Variants in SYNE3 observed in about 807,000 individuals in gnomAD.
The protein encoded by SYNE3 is spectrin repeat containing nuclear envelope family member 3, also known as nesprin-3.
Under a neutral mutation model 111.2 loss-of-function variants are expected in SYNE3, and 100 were observed. The ratio of observed to expected loss-of-function variants is 0.90; its 90% confidence interval spans 0.77 to 1.06. The LOEUF is 1.06. Ranked by LOEUF, SYNE3 falls within the 50% of genes least tolerant of loss-of-function variation. The pLI, the probability that SYNE3 is intolerant of heterozygous loss-of-function variation, is 0.00. For missense variants in SYNE3, 1,160 were observed against 1,240.3 expected (o/e 0.94, Z 0.97); for synonymous variants, 547 against 533.9 (o/e 1.02, Z -0.34).
intron 1 of SYNE3, among the ~76,000 whole-genome samples, chr14:95,484,044 C>T (rs1370296923): frequency 6.6e-6 from 1 of 152,132 alleles, no homozygotes; most frequent in Non-Finnish European, 1.5e-5. Flanking sequence ...ATACGCCAAC[C>T]ATAAAACCCA....
At chr14:95,475,544 T>C in intron 2 of SYNE3, 134 bp downstream of exon 2, 1 of 1,052,112 alleles carries the variant, frequency 9.5e-7, no homozygotes. Flanking sequence ...CCAGGAGATC[T>C]GTGTGCACAT....
intron 1 of SYNE3, among the ~76,000 whole-genome samples, chr14:95,503,770 C>T (rs1297851030): frequency 3.3e-5 from 5 of 151,820 alleles, no homozygotes; most frequent in Admixed American, 2.0e-4. Flanking sequence ...AGGCATGGGC[C>T]GCCATGCTGG....
chr14:95,457,145 G>A (rs771545276), intron 5 of SYNE3, 32 bp downstream of exon 5: 1 of 1,605,232 alleles, frequency 6.2e-7, no homozygotes. Context: ...TGTCCCTAGG[G>A]TCCCTCTGGT....
In SYNE3 at chr14:95,439,149, A is replaced by G; in HGVS notation, c.2260T>C (p.Trp754Arg). ...TCCACTTCCATCCTCTGCAGATGCC[A>G]GTTTCTGATGAGGCTGAGAAGACAA... ...EESLLSLIRNWHLQRMEVDSG... is the reference protein window; with the variant it reads ...EESLLSLIRNRHLQRMEVDSG... The change falls in exon 14 of 18, where the codon TGG (tryptophan) becomes CGG (arginine). Residue 754 changes from tryptophan (W) to arginine (R), a missense_variant. Coordinates refer to ENST00000682763, the MANE Select transcript of SYNE3 (RefSeq NM_152592.6). 1 of 1,614,234 alleles carries G rather than the reference A, an allele frequency of 6.2e-7. No homozygotes were observed. The highest frequency in any genetic ancestry group is 8.5e-7 in the Non-Finnish European group (1 of 1,180,030).
At chr14:95,437,921 C>A (rs567484076) in intron 14 of SYNE3, 2 of 152,298 alleles carry the variant, frequency 1.3e-5, no homozygotes, top group East Asian at 3.9e-4. Context: ...CTCTCCCTTG[C>A]AGGTGCTACT....
At position 95,460,696 on chromosome 14, in the gene SYNE3, T is replaced by TC. The variant is rs1887749859; in HGVS notation, c.628-3359dup. On this transcript the variant is annotated intron_variant, in intron 4 of 17. Coordinates refer to ENST00000682763, the MANE Select transcript of SYNE3 (RefSeq NM_152592.6). ...GGATGGCTCCGGGGCTTCGGCAAGC[T>TC]CCCCTGCTGGCTTCCCCTTCCTGCA... 2.6e-5 allele frequency among the ~76,000 whole-genome samples: 4 copies of TC among 152,244 alleles called. No individual in the cohort carries two copies. The South Asian group carries it at 8.3e-4, about 32-fold the overall frequency.
intron 4 of SYNE3, among the ~76,000 whole-genome samples, chr14:95,464,309 C>T (rs913617989): frequency 6.6e-6 from 1 of 152,128 alleles, no homozygotes; most frequent in Non-Finnish European, 1.5e-5. Flanking sequence ...CACACAGGTG[C>T]CTGAAGTCTT....
rs1356226818 is a variant in SYNE3 at position 95,439,618 on chromosome 14, A to C, written c.2240T>G (p.Leu747Arg). The change falls in exon 13 of 18, where the codon CTG becomes CGG. Residue 747 changes from leucine (L) to arginine (R), a missense_variant. Coordinates refer to ENST00000682763, the MANE Select transcript of SYNE3 (RefSeq NM_152592.6). ...GCCTAGGAGGCACTCTCACCTCAGC[A>C]GACTTTCTTCCAGCAGCCTCAAGGC... ...WRALRLLEES[L>R]LSLIRNWHLQ... 2.5e-6 allele frequency: 4 copies of C among 1,609,536 alleles called. No individual in the cohort carries two copies. The highest frequency in any genetic ancestry group is 2.2e-5 in the East Asian group (1 of 44,876).
At chr14:95,427,000 T>C (rs910142972) in intron 17 of SYNE3, among the ~76,000 whole-genome samples, 2 of 151,146 alleles carry the variant, frequency 1.3e-5, no homozygotes, top group Admixed American at 6.6e-5. Flanking sequence ...GATATGATTA[T>C]ATATGAATAT....
At chr14:95,419,879 A>AGGG (rs1884988775) in intron 17 of SYNE3, among the ~76,000 whole-genome samples, 1 of 122,184 alleles carries the variant, frequency 8.2e-6, no homozygotes. Context: ...GGTGATGGTG[A>AGGG]TGATGATGAT....
chr14:95,482,304 T>G (rs2139538965), intron 1 of SYNE3, among the ~76,000 whole-genome samples: 1 of 152,204 alleles, frequency 6.6e-6, no homozygotes, highest in South Asian at 2.1e-4. Context: ...CGTGATAGCG[T>G]GCGCCTGTAA....
intron 6 of SYNE3, among the ~76,000 whole-genome samples, chr14:95,454,727 C>G (rs1188676943): frequency 6.6e-6 from 1 of 152,254 alleles, no homozygotes; most frequent in African/African-American, 2.4e-5. Flanking sequence ...TCTGGGATGG[C>G]TTCCCTTGGA....
intron 8 of SYNE3, among the ~76,000 whole-genome samples, chr14:95,447,415 C>T (rs767080369): frequency 6.6e-6 from 1 of 152,098 alleles, no homozygotes; most frequent in Non-Finnish European, 1.5e-5. Context: ...GGATTACAGG[C>T]GTGAGCCACC....
intron 1 of SYNE3, among the ~76,000 whole-genome samples, chr14:95,487,083 C>A (rs994748617): frequency 6.6e-6 from 1 of 152,156 alleles, no homozygotes; most frequent in East Asian, 1.9e-4. Flanking sequence ...CTGCCCCACC[C>A]GCCCCTCCGC....
chr14:95,505,574 A>C (rs1890499771), intron 1 of SYNE3, among the ~76,000 whole-genome samples: 1 of 152,234 alleles, frequency 6.6e-6, no homozygotes, highest in South Asian at 2.1e-4. Context: ...CCATGCAGAC[A>C]CATCTACATC....
In SYNE3 at chr14:95,450,015, C is replaced by T; in HGVS notation, c.1365G>A (p.Trp455Ter). The T allele has an allele frequency of 6.4e-7, 1 of 1,557,726 alleles. No homozygotes were observed. Among genetic ancestry groups the T allele is most frequent in the Non-Finnish European group, 8.7e-7 (1 of 1,150,696 alleles). The part of the protein sequence containing the change: ...FQRPLQDLQL[W>*]KALAQRLLEV... ...CCAAGAGCCGCTGGGCCAGGGCCTTCCACAGCTGCAGATCCTGCAGAGGCC... is the reference window on the plus strand; with the variant it reads ...CCAAGAGCCGCTGGGCCAGGGCCTTTCACAGCTGCAGATCCTGCAGAGGCC... Residue 455 changes from tryptophan (W) to a stop codon, truncating the protein, a stop_gained, in exon 8 of 18, where the codon TGG (tryptophan) becomes TGA (stop). Transcript: ENST00000682763. LOFTEE classifies it high-confidence loss of function.
Position 95,417,471 on chromosome 14 carries a change from AC to A in SYNE3, c.*354del. The A allele has an allele frequency of 6.3e-6, 2 of 319,656 alleles. No homozygotes were observed. The highest frequency in any genetic ancestry group is 6.8e-5 in the South Asian group (2 of 29,432). The allele number at this position is 319,656 out of a possible 1,614,324, so 19.8% of individuals were successfully genotyped here. ...TCTTGCTTTCTAGGGTTGACTGCAG[AC>A]CAAGTCAACAATACCACAAAATCCC... On this transcript the variant is annotated 3_prime_UTR_variant, in exon 18 of 18. Transcript: ENST00000682763.
intron 8 of SYNE3, chr14:95,449,474 G>A (rs1566967153): frequency 2.0e-6 from 2 of 985,348 alleles, no homozygotes; most frequent in Non-Finnish European, 2.4e-6. Context: ...AGCCATGCTG[G>A]GGCCATGAGG....
At chr14:95,459,093 C>G (rs1887635406) in intron 4 of SYNE3, among the ~76,000 whole-genome samples, 1 of 152,206 alleles carries the variant, frequency 6.6e-6, no homozygotes, top group African/African-American at 2.4e-5. Context: ...GCTTGGCCTG[C>G]CATATGGAGC....
Sources: allele counts gnomAD v4.1 joint callset (sites outside exome capture counted in the v4.1 genomes callset), GRCh38; gene constraint gnomAD v4.1.1; transcripts MANE v1.5; gene names NCBI Gene and HGNC (gene_info 2026-07-23, HGNC 2026-07-21).